Variants in ITGA2 observed in about 807,000 individuals in gnomAD.
The protein encoded by ITGA2 is integrin alpha-2.
In ITGA2, 101 loss-of-function variants were observed where a neutral mutation model predicts 146.3. The observed-to-expected ratio is 0.69, with a 90% CI of 0.59 to 0.81. The LOEUF (loss-of-function observed/expected upper bound fraction) is 0.81. Among genes scored for constraint, ITGA2 ranks in the 40% least tolerant of loss-of-function variants. The pLI, the probability that ITGA2 is intolerant of heterozygous loss-of-function variation, is 0.00. For missense variants in ITGA2, 1,281 were observed against 1,402.7 expected, an observed-to-expected ratio of 0.91 and a Z score of 1.39; for synonymous variants, 477 against 487.1, an observed-to-expected ratio of 0.98 and a Z score of 0.27.
At chr5:53,030,942 G>A (rs1342693503) in intron 2 of ITGA2, among the ~76,000 whole-genome samples, 1 of 152,192 alleles carries the variant, frequency 6.6e-6, no homozygotes, top group East Asian at 1.9e-4. Flanking sequence ...AAGGTACCTT[G>A]CCACAGAGGG....
intron 19 of ITGA2, 97 bp downstream of exon 19, chr5:53,072,792 G>A (rs969905907): frequency 1.9e-6 from 2 of 1,058,350 alleles, no homozygotes; most frequent in African/African-American, 3.2e-5. Context: ...TTCTACAAAA[G>A]AAACATTCAT....
intron 1 of ITGA2, among the ~76,000 whole-genome samples, chr5:52,998,774 A>G (rs1295118001): frequency 6.6e-6 from 1 of 152,196 alleles, no homozygotes; most frequent in Non-Finnish European, 1.5e-5. Flanking sequence ...ACTTGTATCA[A>G]GGGTTCTTGG....
At chr5:53,090,141 G>A in intron 29 of ITGA2, 79 bp downstream of exon 29, 2 of 842,444 alleles carry the variant, frequency 2.4e-6, no homozygotes, top group Non-Finnish European at 4.1e-6. Context: ...TCAACTTCAG[G>A]TTTTATATGG....
At chr5:53,020,558 A>G (rs542449758) in intron 1 of ITGA2, among the ~76,000 whole-genome samples, 66 of 152,262 alleles carry the variant, frequency 4.3e-4, no homozygotes, top group African/African-American at 1.5e-3. Context: ...AAGATTACAC[A>G]CTGCAAATGA....
At chr5:53,061,916 T>C (rs1744919738) in intron 12 of ITGA2, among the ~76,000 whole-genome samples, 1 of 151,910 alleles carries the variant, frequency 6.6e-6, no homozygotes. Flanking sequence ...TTAGCTATGG[T>C]CACATACTTT....
rs752302698 is a variant in ITGA2, at chr5:53,090,564, G to A, written c.3511G>A (p.Asp1171Asn). ...RKYEKMTKNP[D>N]EIDETTELSS ...ATATGAAAAGATGACCAAAAATCCA[G>A]ATGAGATTGATGAGACCACAGAGCT... Residue 1171 changes from aspartate (D) to asparagine (N), a missense_variant, in exon 30 of 30, where the codon GAT (aspartate) becomes AAT (asparagine). This residue lies in a region of ITGA2 where 475 missense variants were observed against 530.5 expected (regional missense o/e 0.90). Transcript: ENST00000296585. 1 of 1,614,108 alleles carries A rather than the reference G, an allele frequency of 6.2e-7. No individual in the cohort carries two copies. Among genetic ancestry groups the A allele is most frequent in the Non-Finnish European group, 8.5e-7 (1 of 1,179,998 alleles).
At chr5:53,088,833 G>C (rs1549276) in intron 28 of ITGA2, among the ~76,000 whole-genome samples, 112,566 of 152,058 alleles carry the variant, frequency 0.74, 42,051 homozygotes, top group African/African-American at 0.79. Context: ...AATAAGGTAT[G>C]TAACCTAAAT....
intron 1 of ITGA2, among the ~76,000 whole-genome samples, chr5:53,024,414 A>T (rs573240086): frequency 2.0e-5 from 3 of 152,338 alleles, no homozygotes; most frequent in Admixed American, 1.3e-4. Flanking sequence ...CCAAATCATT[A>T]TTGAAGAACA....
At chr5:53,026,578 G>A (rs898922401) in intron 1 of ITGA2, among the ~76,000 whole-genome samples, 170 bp from the exon 2 acceptor site, 24 of 152,122 alleles carry the variant, frequency 1.6e-4, no homozygotes, top group African/African-American at 5.3e-4. Flanking sequence ...GCTTGGTGCC[G>A]GGCCTCCAAA....
chr5:53,059,786 A>T, intron 10 of ITGA2, 88 bp from the exon 11 acceptor site: 1 of 1,179,804 alleles, frequency 8.5e-7, no homozygotes, highest in Non-Finnish European at 1.2e-6. Context: ...ATAAATCTAA[A>T]CAACTTATTT....
chr5:52,996,153 G>A (rs1374004100), intron 1 of ITGA2, among the ~76,000 whole-genome samples: 1 of 152,124 alleles, frequency 6.6e-6, no homozygotes, highest in African/African-American at 2.4e-5. Flanking sequence ...TAGCAAGAGA[G>A]GTAAAATGGG....
rs552868534 is a variant in ITGA2 at position 53,077,391 on chromosome 5, T to A, written c.2826-1381T>A. Among the ~76,000 whole-genome samples the A allele has an allele frequency of 3.6e-4, 55 of 151,550 alleles. 1 individual carries two copies. The highest frequency in any genetic ancestry group is 1.3e-3 in the African/African-American group (54 of 41,318). On this transcript the variant is annotated intron_variant, in intron 23 of 29. Transcript: ENST00000296585. ...CTGTACAGTTATATTGTAAAAAAAA[T>A]GATGGGTAGAAATAGCGATAATAGT... is the stretch of plus-strand genomic sequence containing the variant.
At chr5:53,007,456 G>A (rs62357227) in intron 1 of ITGA2, among the ~76,000 whole-genome samples, 4,393 of 151,832 alleles carry the variant, frequency 0.029, 83 homozygotes, top group Middle Eastern at 0.034. Context: ...GACAGGCACT[G>A]ACTTGCTAAA....
At chr5:53,087,679 C>T (rs540414679) in intron 28 of ITGA2, among the ~76,000 whole-genome samples, 2 of 150,980 alleles carry the variant, frequency 1.3e-5, no homozygotes, top group Admixed American at 6.6e-5. Context: ...AAAACAAAGG[C>T]TCTCTGTTCT....
At chr5:53,073,428 A>G (rs1382450124) in intron 20 of ITGA2, among the ~76,000 whole-genome samples, 169 bp downstream of exon 20, 1 of 151,852 alleles carries the variant, frequency 6.6e-6, no homozygotes, top group African/African-American at 2.4e-5. Context: ...GTCTGGCTCT[A>G]TATCTAGATT....
intron 27 of ITGA2, among the ~76,000 whole-genome samples, chr5:53,084,028 T>C (rs992732472): frequency 9.2e-5 from 14 of 152,172 alleles, no homozygotes; most frequent in African/African-American, 3.1e-4. Flanking sequence ...TCAATCCCCA[T>C]GAAAGTTTGA....
chr5:53,000,901 T>G (rs1463359672), intron 1 of ITGA2, among the ~76,000 whole-genome samples: 5 of 143,914 alleles, frequency 3.5e-5, no homozygotes, highest in South Asian at 2.3e-4. Context: ...CTTTTTGTTT[T>G]TTTTTTTTTT....
At chr5:53,046,713 A>G (rs953349645) in intron 4 of ITGA2, among the ~76,000 whole-genome samples, 2 of 151,932 alleles carry the variant, frequency 1.3e-5, no homozygotes, top group South Asian at 2.1e-4. Flanking sequence ...GGAGAAAGAA[A>G]AAAAGAAAAA....
rs954584684 is a variant in ITGA2, at chr5:53,042,184, C to A, written c.258C>A (p.Asp86Glu). The A allele has an allele frequency of 6.2e-7, 1 of 1,613,048 alleles. No homozygotes were observed. The highest frequency in any genetic ancestry group is 1.1e-5 in the South Asian group (1 of 91,066). Residue 86 changes from aspartate to glutamate, a missense_variant, in exon 3 of 30, where the codon GAC becomes GAA. Physicochemically the swap from Asp to Glu is conservative, Grantham distance 45. Around this residue, in one of 3 missense-constraint regions of ITGA2, gnomAD observed 795 missense variants for 841.7 expected, o/e 0.94. Transcript: ENST00000296585. Reference protein sequence around the residue: ...RMGDVYKCPVDLSTATCEKLN... With the variant: ...RMGDVYKCPVELSTATCEKLN... ...GAGATGTGTATAAATGTCCTGTTGA[C>A]CTATCCACTGCCACATGTGAAAAAC...
Sources: allele counts gnomAD v4.1 joint callset (sites outside exome capture counted in the v4.1 genomes callset), GRCh38; gene constraint gnomAD v4.1.1; regional missense constraint gnomAD v4.1.1; transcripts MANE v1.5; gene names NCBI Gene and HGNC (gene_info 2026-07-23, HGNC 2026-07-21).